The following KIRREL3 variants were observed in gnomAD, a reference collection of about 807,000 sequenced individuals.
KIRREL3 encodes kirre like nephrin family adhesion molecule 3.
Under a neutral mutation model 89.7 loss-of-function variants are expected in KIRREL3, and 36 were observed. The ratio of observed to expected loss-of-function variants is 0.40; its 90% confidence interval spans 0.31 to 0.53. KIRREL3 has a LOEUF of 0.53. Ranked by LOEUF, KIRREL3 falls within the 20% of genes least tolerant of loss-of-function variation. The probability of loss-of-function intolerance (pLI) is 0.49; values close to 1 mark genes in which losing one functional copy is unlikely to be tolerated. For synonymous variants in KIRREL3, 445 were observed against 441.4 expected (o/e 1.01, Z -0.10); for missense variants, 864 against 1,056.6 (o/e 0.82, Z 2.53).
chr11:126,552,909 T>C (rs1939402567), intron 2 of KIRREL3, among the ~76,000 whole-genome samples: 2 of 151,154 alleles, frequency 1.3e-5, no homozygotes, highest in Admixed American at 1.3e-4. Context: ...AAGAAAAAAA[T>C]AGTCATTATA....
rs1359934866 is a variant in KIRREL3, at chr11:126,837,857, A to G, written c.55+162598T>C. Among the ~76,000 whole-genome samples, 1 of 152,208 alleles carries G rather than the reference A, an allele frequency of 6.6e-6. No homozygotes were observed. Among genetic ancestry groups the G allele is most frequent in the African/African-American group, 2.4e-5 (1 of 41,434 alleles). ...GCTCGCAGTCTATGTCCAGGCATAC[A>G]TCCTATCTCTCTACACTCCTAAAGC... On this transcript the variant is annotated intron_variant, in intron 1 of 16. Coordinates refer to ENST00000525144, the MANE Select transcript of KIRREL3 (RefSeq NM_032531.4). This position sits in a 1 kb window ranked among gnomAD's most constrained non-coding sequence, Gnocchi z 4.7.
rs557176746 is a variant in KIRREL3 at position 126,680,020 on chromosome 11, T to A, written c.56-117108A>T. Among the ~76,000 whole-genome samples, 173 of 152,342 alleles carry A rather than the reference T, an allele frequency of 1.1e-3. 1 individual carries two copies. The highest frequency in any genetic ancestry group is 2.0e-3 in the Non-Finnish European group (139 of 68,028). Reference sequence around the variant, plus strand: ...GCAAGGTTAAGATGGCTTTGAAACCTGGGTCTGGTTCTCCCAGAAACACTT... The same window carrying A: ...GCAAGGTTAAGATGGCTTTGAAACCAGGGTCTGGTTCTCCCAGAAACACTT... On this transcript the variant is annotated intron_variant, in intron 1 of 16. Transcript: ENST00000525144.
chr11:126,586,574 C>A (rs1249200254), intron 1 of KIRREL3, among the ~76,000 whole-genome samples: 3 of 152,060 alleles, frequency 2.0e-5, no homozygotes, highest in Admixed American at 2.0e-4. Flanking sequence ...CTCAGTGAGA[C>A]TAATTAGGTA....
rs1423719758 is a variant in KIRREL3 at position 126,860,073 on chromosome 11, A to G, written c.55+140382T>C. 6.6e-6 allele frequency among the ~76,000 whole-genome samples: 1 copy of G among 152,186 alleles called. No homozygotes were observed. Among genetic ancestry groups the G allele is most frequent in the African/African-American group, 2.4e-5 (1 of 41,452 alleles). ...ATCTGAAAGGGGACAGACATTTTTG[A>G]CCAATAGATTAAGTAGCAGGAATTC... On this transcript the variant is annotated intron_variant, in intron 1 of 16. Transcript: ENST00000525144. The surrounding 1 kb of genome is among the most constrained non-coding windows in gnomAD (Gnocchi z 4.6).
chr11:126,966,046 G>T (rs1413284285), intron 1 of KIRREL3, among the ~76,000 whole-genome samples: 3 of 152,182 alleles, frequency 2.0e-5, no homozygotes, highest in African/African-American at 7.2e-5. Flanking sequence ...TTGAAGAGAT[G>T]TAAATGGTTA....
In KIRREL3 at chr11:126,653,294, G is replaced by T. The variant is rs1944980587; in HGVS notation, c.56-90382C>A. 6.6e-6 allele frequency among the ~76,000 whole-genome samples: 1 copy of T among 152,324 alleles called. No homozygotes were observed. Among genetic ancestry groups the T allele is most frequent in the African/African-American group, 2.4e-5 (1 of 41,572 alleles). On this transcript the variant is annotated intron_variant, in intron 1 of 16. Transcript: ENST00000525144. This position sits in a 1 kb window ranked among gnomAD's most constrained non-coding sequence, Gnocchi z 5.4. ...GGCAGAGGAACGACTGACTTGCTCAGTGAAGGATGGGCAGACTTGGGGTGG... is the reference window on the plus strand; with the variant it reads ...GGCAGAGGAACGACTGACTTGCTCATTGAAGGATGGGCAGACTTGGGGTGG...
At chr11:126,591,931 G>A (rs1012002969) in intron 1 of KIRREL3, among the ~76,000 whole-genome samples, 1 of 152,150 alleles carries the variant, frequency 6.6e-6, no homozygotes, top group African/African-American at 2.4e-5. Context: ...ACCACCCCTG[G>A]AGCCCAAGCA....
chr11:126,722,384 C>A (rs1948210020), intron 1 of KIRREL3, among the ~76,000 whole-genome samples: 1 of 152,252 alleles, frequency 6.6e-6, no homozygotes, highest in Non-Finnish European at 1.5e-5. Context: ...CTTTCTCCAA[C>A]ATTTCTTGTA....
rs1175849074 is a variant in KIRREL3 at position 126,655,992 on chromosome 11, G to A, written c.56-93080C>T. On this transcript the variant is annotated intron_variant, in intron 1 of 16. Coordinates refer to ENST00000525144, the MANE Select transcript of KIRREL3 (RefSeq NM_032531.4). The surrounding 1 kb of genome is among the most constrained non-coding windows in gnomAD (Gnocchi z 5.0). ...TGGGGCTGAAGGAGGGGTGGGAGGA[G>A]GCCTTAGAAGCTAATTAGAATCCTC... 1 of 275,032 alleles carries A rather than the reference G, an allele frequency of 3.6e-6. No individual in the cohort carries two copies. The highest frequency in any genetic ancestry group is 7.5e-6 in the Non-Finnish European group (1 of 133,860). The allele number at this position is 275,032 out of a possible 1,614,324, so 17.0% of individuals were successfully genotyped here.
intron 1 of KIRREL3, among the ~76,000 whole-genome samples, chr11:126,786,522 C>T (rs1222719912): frequency 6.6e-6 from 1 of 152,170 alleles, no homozygotes; most frequent in Non-Finnish European, 1.5e-5. Flanking sequence ...AAATAACCTT[C>T]ATAAAAATTA....
intron 10 of KIRREL3, 53 bp downstream of exon 10, chr11:126,444,926 C>T (rs956967978): frequency 1.2e-6 from 2 of 1,607,572 alleles, no homozygotes; most frequent in South Asian, 1.1e-5. Context: ...GCCAAGATGC[C>T]TGAGGTCCTT....
At chr11:126,629,317 G>A (rs1361699566) in intron 1 of KIRREL3, among the ~76,000 whole-genome samples, 1 of 152,136 alleles carries the variant, frequency 6.6e-6, no homozygotes, top group Non-Finnish European at 1.5e-5. Context: ...GCACAGTGGG[G>A]CTCTAAGAGA....
In KIRREL3 at chr11:126,490,967, G is replaced by A. The variant is rs752173395; in HGVS notation, c.434-17501C>T. Among the ~76,000 whole-genome samples the A allele has an allele frequency of 7.2e-5, 11 of 152,240 alleles. No homozygotes were observed. Among genetic ancestry groups the A allele is most frequent in the Non-Finnish European group, 1.5e-4 (10 of 68,046 alleles). On this transcript the variant is annotated intron_variant, in intron 4 of 16. Transcript: ENST00000525144. The surrounding 1 kb of genome is among the most constrained non-coding windows in gnomAD (Gnocchi z 4.2). ...CCACAGCCCACCTGCACGAGGAGGG[G>A]GCGTTTGGAGGGTGGAGGAGAGCCT... is the stretch of plus-strand genomic sequence containing the variant.
rs1041629142 is a variant in KIRREL3 at position 126,687,737 on chromosome 11, GC to G, written c.56-124826del. On this transcript the variant is annotated intron_variant, in intron 1 of 16. Coordinates refer to ENST00000525144, the MANE Select transcript of KIRREL3 (RefSeq NM_032531.4). This position sits in a 1 kb window ranked among gnomAD's most constrained non-coding sequence, Gnocchi z 4.6. Reference sequence around the variant, plus strand: ...GGGATACAAAGATAAGTGCTCTGAGGCCCCTATTCTCAGAGTGCTCAGTCCA... The same window carrying G: ...GGGATACAAAGATAAGTGCTCTGAGGCCCTATTCTCAGAGTGCTCAGTCCA... Among the ~76,000 whole-genome samples, 9 of 152,178 alleles carry G rather than the reference GC, an allele frequency of 5.9e-5. No homozygotes were observed. Among genetic ancestry groups the G allele is most frequent in the Admixed American group, 5.9e-4 (9 of 15,278 alleles).
At chr11:126,945,710 G>A (rs571939540) in intron 1 of KIRREL3, among the ~76,000 whole-genome samples, 28 of 152,198 alleles carry the variant, frequency 1.8e-4, no homozygotes, top group African/African-American at 6.0e-4. Context: ...ATAATGGCGG[G>A]AAAAGAGAGG....
intron 1 of KIRREL3, among the ~76,000 whole-genome samples, chr11:126,858,719 T>C (rs999605122): frequency 2.0e-5 from 3 of 152,200 alleles, no homozygotes; most frequent in Non-Finnish European, 2.9e-5. Context: ...TGATGAAAGA[T>C]GTGTAAACAG....
rs915332306 is a variant in KIRREL3 at position 126,729,050 on chromosome 11, G to A, written c.56-166138C>T. Among the ~76,000 whole-genome samples, 5 of 152,200 alleles carry A rather than the reference G, an allele frequency of 3.3e-5. No homozygotes were observed. Among genetic ancestry groups the A allele is most frequent in the African/African-American group, 1.2e-4 (5 of 41,456 alleles). The stretch of plus-strand genomic sequence containing the variant: ...CATGCCTGTTGCAGGCTTGGAGTGG[G>A]CCCTGGGGAGGGGCAGTACCCTCTA... On this transcript the variant is annotated intron_variant, in intron 1 of 16. Transcript: ENST00000525144. This position sits in a 1 kb window ranked among gnomAD's most constrained non-coding sequence, Gnocchi z 4.5.
rs1251874886 is a variant in KIRREL3 at position 126,635,737 on chromosome 11, G to C, written c.56-72825C>G. 6.6e-6 allele frequency among the ~76,000 whole-genome samples: 1 copy of C among 152,152 alleles called. No homozygotes were observed. Among genetic ancestry groups the C allele is most frequent in the Non-Finnish European group, 1.5e-5 (1 of 68,030 alleles). ...GCTTCCTTATCTGTAAAATGTGGCT[G>C]GGAATACCTGTTCTACTGATCTGAA... On this transcript the variant is annotated intron_variant, in intron 1 of 16. Transcript: ENST00000525144. This position sits in a 1 kb window ranked among gnomAD's most constrained non-coding sequence, Gnocchi z 4.0.
At chr11:126,691,182 G>T (rs774198976) in intron 1 of KIRREL3, among the ~76,000 whole-genome samples, 1 of 151,852 alleles carries the variant, frequency 6.6e-6, no homozygotes, top group Admixed American at 6.5e-5. Context: ...AGAAGGTTTT[G>T]TGCAGTGCTG....
Sources: allele counts gnomAD v4.1 joint callset (sites outside exome capture counted in the v4.1 genomes callset), GRCh38; gene constraint gnomAD v4.1.1; non-coding constraint Gnocchi (gnomAD v3.1); transcripts MANE v1.5; gene names NCBI Gene and HGNC (gene_info 2026-07-23, HGNC 2026-07-21).